SEMA5A: variants seen among roughly 807,000 people sequenced by gnomAD.
The protein encoded by SEMA5A is semaphorin-5A.
SEMA5A carries 55 observed loss-of-function variants against 135.5 expected under a neutral mutation model. That is an observed-to-expected ratio of 0.41 (90% CI 0.33 to 0.51). The LOEUF (loss-of-function observed/expected upper bound fraction) is 0.51. Among genes scored for constraint, SEMA5A ranks in the 20% least tolerant of loss-of-function variants. SEMA5A has a pLI of 0.37. For missense variants in SEMA5A, 1,290 were observed against 1,419.9 expected (o/e 0.91, Z 1.47); for synonymous variants, 580 against 546.5 (o/e 1.06, Z -0.85).
intron 3 of SEMA5A, among the ~76,000 whole-genome samples, chr5:9,361,393 T>C (rs773231790): frequency 1.3e-5 from 2 of 151,866 alleles, no homozygotes; most frequent in Non-Finnish European, 2.9e-5. Context: ...GACAAAGACA[T>C]GGTTCTGTTA....
At chr5:9,394,141 T>C (rs1191139108) in intron 2 of SEMA5A, among the ~76,000 whole-genome samples, 1 of 152,158 alleles carries the variant, frequency 6.6e-6, no homozygotes, top group African/African-American at 2.4e-5. Flanking sequence ...AAGTGTGGTA[T>C]GAACAACAGA....
At chr5:9,324,319 C>T (rs1224181905) in intron 4 of SEMA5A, among the ~76,000 whole-genome samples, 9 of 150,292 alleles carry the variant, frequency 6.0e-5, no homozygotes, top group East Asian at 2.0e-4. Flanking sequence ...CCACCCACAT[C>T]AGCCTCCCAA....
intron 1 of SEMA5A, among the ~76,000 whole-genome samples, chr5:9,501,462 GT>G (rs1432252258): frequency 6.6e-6 from 1 of 152,190 alleles, no homozygotes; most frequent in Admixed American, 6.5e-5. Context: ...ATCCTTCTGA[GT>G]TTTTTCCTAT....
chr5:9,129,060 G>A (rs1247581663), intron 13 of SEMA5A, among the ~76,000 whole-genome samples: 4 of 152,148 alleles, frequency 2.6e-5, no homozygotes, highest in Admixed American at 2.0e-4. Context: ...GAATTAGTAG[G>A]GTCTTAAGCA....
At chr5:9,440,896 C>A (rs1406452913) in intron 1 of SEMA5A, among the ~76,000 whole-genome samples, 2 of 152,134 alleles carry the variant, frequency 1.3e-5, no homozygotes, top group African/African-American at 2.4e-5. Flanking sequence ...AGAAACCGTA[C>A]AACAGTAAGA....
intron 5 of SEMA5A, among the ~76,000 whole-genome samples, chr5:9,307,008 G>A (rs1449935448): frequency 1.3e-5 from 2 of 152,104 alleles, no homozygotes; most frequent in Non-Finnish European, 2.9e-5. Context: ...GCCTAATTTC[G>A]TATAAAGCAG....
chr5:9,086,478 CTCTCT>C (rs1444690173), intron 16 of SEMA5A, among the ~76,000 whole-genome samples: 4 of 152,138 alleles, frequency 2.6e-5, no homozygotes, highest in Admixed American at 2.0e-4. Flanking sequence ...CCTGCACGAG[CTCTCT>C]TCTCTTGTCT....
At chr5:9,100,653 A>G (rs1221271905) in intron 16 of SEMA5A, among the ~76,000 whole-genome samples, 2 of 151,700 alleles carry the variant, frequency 1.3e-5, no homozygotes, top group Admixed American at 6.6e-5. Context: ...CCTGCCCTAA[A>G]CCCCTGTCTT....
chr5:9,223,446 GA>G (rs756300800), intron 8 of SEMA5A, among the ~76,000 whole-genome samples: 3 of 152,122 alleles, frequency 2.0e-5, no homozygotes, highest in African/African-American at 4.8e-5. Flanking sequence ...AAAAATTGCT[GA>G]AAACATTTTT....
chr5:9,287,947 A>T (rs1750882425), intron 5 of SEMA5A, among the ~76,000 whole-genome samples: 1 of 152,194 alleles, frequency 6.6e-6, no homozygotes, highest in Non-Finnish European at 1.5e-5. Flanking sequence ...CCTTCCAGAT[A>T]TTCTGAATAT....
chr5:9,346,539 G>C (rs1268937800), intron 3 of SEMA5A, among the ~76,000 whole-genome samples: 2 of 152,212 alleles, frequency 1.3e-5, no homozygotes, highest in Non-Finnish European at 2.9e-5. Flanking sequence ...TTCCCCACTA[G>C]ATGTTGGTGC....
intron 6 of SEMA5A, among the ~76,000 whole-genome samples, chr5:9,231,279 C>A (rs1309850792): frequency 6.6e-6 from 1 of 151,756 alleles, no homozygotes; most frequent in Non-Finnish European, 1.5e-5. Flanking sequence ...CCAGCCTGGC[C>A]AACATGAAAC....
At chr5:9,389,963 A>T (rs1756078817) in intron 2 of SEMA5A, among the ~76,000 whole-genome samples, 2 of 152,218 alleles carry the variant, frequency 1.3e-5, no homozygotes, top group South Asian at 4.1e-4. Context: ...AAAAACAATC[A>T]ACACCTGAGA....
chr5:9,239,081 T>G (rs1748065258), intron 5 of SEMA5A, among the ~76,000 whole-genome samples: 1 of 152,198 alleles, frequency 6.6e-6, no homozygotes, highest in Non-Finnish European at 1.5e-5. Flanking sequence ...TTCCAAAGAA[T>G]GTTACATAAC....
intron 2 of SEMA5A, among the ~76,000 whole-genome samples, chr5:9,413,778 C>T (rs560001202): frequency 3.3e-5 from 5 of 152,124 alleles, no homozygotes; most frequent in Admixed American, 6.5e-5. Flanking sequence ...ACAACAAAAG[C>T]TCCATATGCT....
chr5:9,118,520 G>A lies in SEMA5A; in HGVS notation c.1925+478C>T, dbSNP rs570317426. 1.1e-4 allele frequency among the ~76,000 whole-genome samples: 17 copies of A among 152,260 alleles called. No individual in the cohort carries two copies. In the East Asian group the frequency reaches 1.4e-3, roughly 12 times the overall value. On this transcript the variant is annotated intron_variant, in intron 15 of 22. Transcript: ENST00000382496. ...TTGGGTTGTGCTGCAGCTTCATTGA[G>A]GGTATTTCTGAATATGCCCTCCCAT...
intron 2 of SEMA5A, among the ~76,000 whole-genome samples, chr5:9,406,932 T>C (rs549303426): frequency 2.6e-5 from 4 of 152,320 alleles, no homozygotes; most frequent in African/African-American, 9.6e-5. Context: ...ATGAGGAAGG[T>C]ACTGTATCAA....
At chr5:9,307,760 A>C (rs999032205) in intron 5 of SEMA5A, among the ~76,000 whole-genome samples, 1 of 152,172 alleles carries the variant, frequency 6.6e-6, no homozygotes, top group Non-Finnish European at 1.5e-5. Context: ...CATTTTTGAC[A>C]TAGAAGGAGA....
intron 22 of SEMA5A, 59 bp from the exon 23 acceptor site, chr5:9,043,075 A>T (rs1736050936): frequency 1.4e-6 from 2 of 1,426,458 alleles, no homozygotes; most frequent in East Asian, 4.6e-5. Context: ...TTCAGAAATA[A>T]TATAACAAGG....
Sources: allele counts gnomAD v4.1 joint callset (sites outside exome capture counted in the v4.1 genomes callset), GRCh38; gene constraint gnomAD v4.1.1; transcripts MANE v1.5; gene names NCBI Gene and HGNC (gene_info 2026-07-23, HGNC 2026-07-21).